ABCA4: variants seen among roughly 807,000 people sequenced by gnomAD.
ABCA4 encodes retinal-specific phospholipid-transporting ATPase ABCA4.
In ABCA4, 196 loss-of-function variants were observed where a neutral mutation model predicts 263.7. The observed-to-expected ratio is 0.74, with a 90% CI of 0.66 to 0.84. The LOEUF is 0.84. Ranked by LOEUF, ABCA4 falls within the 40% of genes least tolerant of loss-of-function variation. The pLI is 0.00. For synonymous variants in ABCA4, 1,133 were observed against 1,094.2 expected (o/e 1.04, Z -0.70); for missense variants, 2,792 against 2,855.1 (o/e 0.98, Z 0.50).
chr1:94,102,880 T>C (rs112187406), intron 5 of ABCA4, 135 bp downstream of exon 5: 2 of 1,273,340 alleles, frequency 1.6e-6, no homozygotes, highest in Non-Finnish European at 2.2e-6. Context: ...TTTTTCTAAA[T>C]ACAAGGCATT....
At chr1:94,095,035 G>A (rs931505331) in intron 6 of ABCA4, among the ~76,000 whole-genome samples, 5 of 152,212 alleles carry the variant, frequency 3.3e-5, no homozygotes, top group Admixed American at 3.3e-4. Context: ...AGAAAATCCA[G>A]TCATTTGGCT....
rs773790372 is a variant in ABCA4, at chr1:94,021,198, A to C, written c.5018+42T>G. The C allele has an allele frequency of 3.7e-6, 6 of 1,613,098 alleles. No individual in the cohort carries two copies. The Admixed American group carries it at 1.0e-4, about 27-fold the overall frequency. ...TCTCAGGATGTTCAAAGAGTGGAGA[A>C]GGTGACAAGAAAGTGGTGAGGCTGG... On this transcript the variant is annotated intron_variant, in intron 35 of 49. Transcript: ENST00000370225.
intron 36 of ABCA4, 87 bp downstream of exon 36, chr1:94,019,495 T>A: frequency 3.5e-6 from 5 of 1,446,420 alleles, no homozygotes; most frequent in Non-Finnish European, 3.7e-6. Flanking sequence ...TGAGAACCCC[T>A]CCCCTCTTGG....
At chr1:94,094,040 C>G (rs1317051089) in intron 6 of ABCA4, among the ~76,000 whole-genome samples, 3 of 152,290 alleles carry the variant, frequency 2.0e-5, no homozygotes, top group South Asian at 4.2e-4. Flanking sequence ...CTCCCCTTCC[C>G]AAAACCCTTA....
Position 94,031,884 on chromosome 1 carries a change from C to T in ABCA4, c.4022G>A (p.Gly1341Asp), listed in dbSNP as rs779248561. 3.7e-6 allele frequency: 6 copies of T among 1,614,076 alleles called. No individual in the cohort carries two copies. Among genetic ancestry groups the T allele is most frequent in the Non-Finnish European group, 4.2e-6 (5 of 1,180,038 alleles). The part of the protein sequence containing the change: ...GQPPPEPECP[G>D]PQLNTGTQLV... Reference sequence around the variant, plus strand: ...CTGTGTCCCCGTGTTGAGCTGCGGGCCTGGGCACTCTGGCTCTGGGGGAGG... The same window carrying T: ...CTGTGTCCCCGTGTTGAGCTGCGGGTCTGGGCACTCTGGCTCTGGGGGAGG... Residue 1341 changes from glycine to aspartate, a missense_variant, in exon 27 of 50, where the codon GGC becomes GAC. Physicochemically the swap from Gly to Asp is moderately conservative, Grantham distance 94. Coordinates refer to ENST00000370225, the MANE Select transcript of ABCA4 (RefSeq NM_000350.3).
At chr1:94,020,851 G>A (rs543753098) in intron 35 of ABCA4, among the ~76,000 whole-genome samples, 1 of 152,232 alleles carries the variant, frequency 6.6e-6, no homozygotes, top group Non-Finnish European at 1.5e-5. Flanking sequence ...TCCAAAGTAT[G>A]CTCTTCTGAG....
intron 6 of ABCA4, among the ~76,000 whole-genome samples, chr1:94,092,379 G>A (rs1007712383): frequency 6.6e-6 from 1 of 152,236 alleles, no homozygotes; most frequent in African/African-American, 2.4e-5. Flanking sequence ...GTTGTTGCTA[G>A]GCAACTGGGA....
At chr1:94,058,858 C>A (rs907984278) in intron 14 of ABCA4, among the ~76,000 whole-genome samples, 5 of 152,176 alleles carry the variant, frequency 3.3e-5, no homozygotes, top group African/African-American at 9.7e-5. Context: ...AACAAAGGGA[C>A]CTTCCCATTG....
rs1173926893 is a variant in ABCA4, at chr1:94,113,128, A to G, written c.67-62T>C. 6 of 1,492,866 alleles carry G rather than the reference A, an allele frequency of 4.0e-6. No homozygotes were observed. In the African/African-American group the frequency reaches 4.2e-5, roughly 10 times the overall value. The allele number at this position is 1,492,866 out of a possible 1,614,324, so 92.5% of individuals were successfully genotyped here. On this transcript the variant is annotated intron_variant, in intron 1 of 49. Coordinates refer to ENST00000370225, the MANE Select transcript of ABCA4 (RefSeq NM_000350.3). Reference sequence around the variant, plus strand: ...GTGCTAAGAGATTATAGAAAACGTAACCAGAGCAGACACAGCCCTCCTCAG... The same window carrying G: ...GTGCTAAGAGATTATAGAAAACGTAGCCAGAGCAGACACAGCCCTCCTCAG...
At position 94,001,078 on chromosome 1, in the gene ABCA4, G is replaced by C; in HGVS notation, c.6310C>G (p.Gln2104Glu). The change falls in exon 46 of 50, where the codon CAG (glutamine) becomes GAG (glutamate). Residue 2104 changes from glutamine (Q) to glutamate (E), a missense_variant. Coordinates refer to ENST00000370225, the MANE Select transcript of ABCA4 (RefSeq NM_000350.3). ...LDEPTTGMDP[Q>E]ARRMLWNVIV... ...ACGTTCCACAGCATGCGGCGTGCCT[G>C]GGGGTCCATCCCTGTGGTGGGCTCA... 5.0e-6 allele frequency: 8 copies of C among 1,614,058 alleles called. No individual in the cohort carries two copies. Among genetic ancestry groups the C allele is most frequent in the Non-Finnish European group, 5.1e-6 (6 of 1,180,008 alleles).
chr1:94,034,532 G>T (rs1441032223), intron 26 of ABCA4, among the ~76,000 whole-genome samples: 1 of 151,886 alleles, frequency 6.6e-6, no homozygotes, highest in Non-Finnish European at 1.5e-5. Flanking sequence ...CACAGCTACA[G>T]GTTCATTTAA....
At chr1:94,065,329 G>T (rs1206695473) in intron 11 of ABCA4, among the ~76,000 whole-genome samples, 1 of 152,164 alleles carries the variant, frequency 6.6e-6, no homozygotes, top group Non-Finnish European at 1.5e-5. Context: ...CAGAGGCGTG[G>T]TAGAGTAGGT....
At chr1:94,044,586 G>A in intron 20 of ABCA4, 27 bp downstream of exon 20, 7 of 1,614,192 alleles carry the variant, frequency 4.3e-6, no homozygotes, top group East Asian at 2.2e-5. Context: ...GAGGGGATGG[G>A]GCGGTCTCAG....
In ABCA4 at chr1:94,077,887, C is replaced by T; in HGVS notation, c.1357G>A (p.Asp453Asn). ...TTTACTGTTGGGTTCCCCAGGGTAT[C>T]CTTGGGAAGAAGAAATACAGTCACT... ...DNSTQMNMIR[D>N]TLGNPTVKDF... Residue 453 changes from aspartate (D) to asparagine (N), a missense_variant and splice_region_variant, in exon 11 of 50, where the codon GAT becomes AAT. Physicochemically the swap from Asp to Asn is conservative, Grantham distance 23. Coordinates refer to ENST00000370225, the MANE Select transcript of ABCA4 (RefSeq NM_000350.3). 6.2e-7 allele frequency: 1 copy of T among 1,613,830 alleles called. No individual in the cohort carries two copies. The highest frequency in any genetic ancestry group is 8.5e-7 in the Non-Finnish European group (1 of 1,179,760).
intron 1 of ABCA4, among the ~76,000 whole-genome samples, chr1:94,118,623 C>A (rs533947793): frequency 6.6e-6 from 1 of 152,258 alleles, no homozygotes; most frequent in East Asian, 1.9e-4. Flanking sequence ...CATCGGGAGG[C>A]GTGCCAGACA....
At chr1:94,096,395 G>T (rs1662124742) in intron 6 of ABCA4, among the ~76,000 whole-genome samples, 1 of 152,164 alleles carries the variant, frequency 6.6e-6, no homozygotes, top group Non-Finnish European at 1.5e-5. Flanking sequence ...CTCTGGTCTG[G>T]CTGTGAGTTC....
intron 19 of ABCA4, chr1:94,045,980 C>T (rs754355958): frequency 2.4e-5 from 11 of 455,982 alleles, no homozygotes; most frequent in South Asian, 1.7e-4. Context: ...GAGATCCGCG[C>T]AGAGCCCCTT....
intron 1 of ABCA4, among the ~76,000 whole-genome samples, chr1:94,114,871 C>T (rs1187696174): frequency 6.6e-6 from 1 of 152,226 alleles, no homozygotes; most frequent in East Asian, 1.9e-4. Context: ...AGTAAGCTTC[C>T]TGAGGACAGG....
chr1:94,002,773 A>C (rs1458251607), intron 44 of ABCA4, among the ~76,000 whole-genome samples: 1 of 152,144 alleles, frequency 6.6e-6, no homozygotes, highest in Non-Finnish European at 1.5e-5. Context: ...CTCAAAATGC[A>C]AACCCTGCCC....
Sources: allele counts gnomAD v4.1 joint callset (sites outside exome capture counted in the v4.1 genomes callset), GRCh38; gene constraint gnomAD v4.1.1; transcripts MANE v1.5; gene names NCBI Gene and HGNC (gene_info 2026-07-23, HGNC 2026-07-21).